Variants in ATG7 observed in about 807,000 individuals in gnomAD.
ATG7 encodes ubiquitin-like modifier-activating enzyme ATG7.
ATG7 carries 70 observed loss-of-function variants against 82.4 expected under a neutral mutation model. The observed-to-expected ratio is 0.85, with a 90% CI of 0.70 to 1.04. The LOEUF (loss-of-function observed/expected upper bound fraction) is 1.04. Ranked by LOEUF, ATG7 falls within the 50% of genes least tolerant of loss-of-function variation. The probability of loss-of-function intolerance (pLI) is 0.00; values close to 1 mark genes in which losing one functional copy is unlikely to be tolerated. For missense variants in ATG7, 792 were observed against 864.3 expected, an observed-to-expected ratio of 0.92 and a Z score of 1.05; for synonymous variants, 287 against 313.0, an observed-to-expected ratio of 0.92 and a Z score of 0.88.
intron 12 of ATG7, among the ~76,000 whole-genome samples, chr3:11,341,345 C>T (rs1953581108): frequency 6.6e-6 from 1 of 152,142 alleles, no homozygotes. Flanking sequence ...CAGGCATGAG[C>T]CACCACACCC....
intron 20 of ATG7, among the ~76,000 whole-genome samples, chr3:11,464,513 TTC>T (rs2086644195): frequency 6.6e-6 from 1 of 152,214 alleles, no homozygotes; most frequent in African/African-American, 2.4e-5. Context: ...GGCAGCCTGG[TTC>T]CTAGGACACC....
At chr3:11,448,782 G>A (rs1576481052) in intron 20 of ATG7, among the ~76,000 whole-genome samples, 1 of 152,294 alleles carries the variant, frequency 6.6e-6, no homozygotes, top group East Asian at 1.9e-4. Context: ...GGGCAGTGGG[G>A]TGGGTAAGGG....
chr3:11,558,738 C>T (rs147755206), downstream of ATG7: 102 of 1,614,094 alleles, frequency 6.3e-5, 1 homozygote, highest in South Asian at 6.3e-4. Context: ...GTGATGGACA[C>T]GGAGTTGGGT....
At chr3:11,398,542 A>G (rs1576080662) in intron 19 of ATG7, among the ~76,000 whole-genome samples, 2 of 152,324 alleles carry the variant, frequency 1.3e-5, no homozygotes, top group East Asian at 3.9e-4. Context: ...AATTATACCA[A>G]AATTTGTAGG....
chr3:11,275,205 G>A (rs536946810), intron 1 of ATG7, among the ~76,000 whole-genome samples: 1 of 152,256 alleles, frequency 6.6e-6, no homozygotes, highest in Admixed American at 6.5e-5. Flanking sequence ...TTGCTGTGTG[G>A]AATTGAGCAG....
chr3:11,298,580 T>A, intron 3 of ATG7, 106 bp from the exon 4 acceptor site: 1 of 1,111,238 alleles, frequency 9.0e-7, no homozygotes, highest in Non-Finnish European at 1.3e-6. Context: ...TGTAAACATC[T>A]CATTACTTTT....
rs1386943052 is a variant in ATG7, at chr3:11,422,769, T to TTTTG, written c.1957-4035_1957-4034insTTTG. Among the ~76,000 whole-genome samples, 37 of 102,698 alleles carry TTTTG rather than the reference T, an allele frequency of 3.6e-4. 4 individuals are homozygous for TTTTG. The highest frequency in any genetic ancestry group is 1.4e-3 in the African/African-American group (36 of 25,272). The allele number at this position is 102,698 out of a possible 152,430, so 67.4% of individuals were successfully genotyped here. On this transcript the variant is annotated intron_variant, in intron 19 of 20. Coordinates refer to ENST00000693202, the MANE Select transcript of ATG7 (RefSeq NM_001349232.2). ...TTTTTTTTTTTTTTTTTTTTTTTTT[T>TTTTG]GGAGACAGAGTCTCACTCCGTTGCC...
At chr3:11,571,403 G>T in the ATG7 span, among the ~76,000 whole-genome samples, 1 of 152,180 alleles carries the variant, frequency 6.6e-6, no homozygotes, top group Non-Finnish European at 1.5e-5. Flanking sequence ...CCATAAAGGG[G>T]CCAGGTGCAG....
chr3:11,321,447 C>T (rs1443879641), intron 9 of ATG7, among the ~76,000 whole-genome samples: 1 of 152,128 alleles, frequency 6.6e-6, no homozygotes, highest in African/African-American at 2.4e-5. Context: ...GCTGGTCACT[C>T]ATACATGTTA....
At chr3:11,493,731 T>C (rs1313013844) in intron 20 of ATG7, among the ~76,000 whole-genome samples, 1 of 152,116 alleles carries the variant, frequency 6.6e-6, no homozygotes, top group Non-Finnish European at 1.5e-5. Flanking sequence ...AAAGTTTCCG[T>C]GATACAGCCT....
At chr3:11,545,457 G>A (rs577651586) in intron 20 of ATG7, among the ~76,000 whole-genome samples, 15 of 152,270 alleles carry the variant, frequency 9.9e-5, no homozygotes, top group African/African-American at 2.4e-4. Flanking sequence ...TCCCATCCTC[G>A]GCTCCCGGCT....
intron 18 of ATG7, among the ~76,000 whole-genome samples, chr3:11,376,761 C>T (rs556888583): frequency 6.6e-5 from 10 of 152,210 alleles, no homozygotes; most frequent in Admixed American, 3.3e-4. Flanking sequence ...TTTTTTGAGA[C>T]GGAGTCTTGC....
chr3:11,498,272 C>T (rs2091017640), intron 20 of ATG7, among the ~76,000 whole-genome samples: 1 of 152,158 alleles, frequency 6.6e-6, no homozygotes, highest in Non-Finnish European at 1.5e-5. Flanking sequence ...AATTCCAAAA[C>T]AGCAATCTTC....
chr3:11,542,317 A>G (rs1233844019), intron 20 of ATG7, among the ~76,000 whole-genome samples: 1 of 152,244 alleles, frequency 6.6e-6, no homozygotes, highest in Non-Finnish European at 1.5e-5. Flanking sequence ...TGCCAAATAT[A>G]GCGGGACCCT....
In ATG7 at chr3:11,320,454, A is replaced by AT. The variant is rs543709514; in HGVS notation, c.678+4968dup. ...AGGCATACGCCACCACACCTGGCTAATTTTTTTATCTTTAGTAGAGATGGG... is the reference window on the plus strand; with the variant it reads ...AGGCATACGCCACCACACCTGGCTAATTTTTTTTATCTTTAGTAGAGATGGG... On this transcript the variant is annotated intron_variant, in intron 9 of 20. Transcript: ENST00000693202. 2.6e-3 allele frequency among the ~76,000 whole-genome samples: 400 copies of AT among 151,998 alleles called. 3 individuals are homozygous for AT. Among genetic ancestry groups the AT allele is most frequent in the African/African-American group, 8.8e-3 (363 of 41,476 alleles).
intron 20 of ATG7, among the ~76,000 whole-genome samples, chr3:11,509,954 G>A (rs2091961220): frequency 6.6e-6 from 1 of 152,092 alleles, no homozygotes; most frequent in Admixed American, 6.6e-5. Flanking sequence ...ACTAGGATTT[G>A]CCAATGGCTA....
At chr3:11,450,210 A>G (rs1430947149) in intron 20 of ATG7, among the ~76,000 whole-genome samples, 1 of 152,170 alleles carries the variant, frequency 6.6e-6, no homozygotes, top group East Asian at 1.9e-4. Context: ...GTTCAAGGTC[A>G]TGGAGCCAGT....
At chr3:11,311,555 T>C (rs1160156385) in intron 7 of ATG7, among the ~76,000 whole-genome samples, 1 of 150,172 alleles carries the variant, frequency 6.7e-6, no homozygotes, top group African/African-American at 2.5e-5. Context: ...TGAGCTGAGA[T>C]CGTCGTGCCG....
the ATG7 span, among the ~76,000 whole-genome samples, chr3:11,572,204 C>T: frequency 6.6e-6 from 1 of 152,180 alleles, no homozygotes; most frequent in Non-Finnish European, 1.5e-5. Flanking sequence ...CAATCATATG[C>T]TAGACCTCAT....
Sources: gnomAD v4.1 joint callset for allele counts (sites outside exome capture counted in the v4.1 genomes callset) on GRCh38, gnomAD v4.1.1 for gene constraint, MANE v1.5 for transcripts, NCBI Gene and HGNC (gene_info 2026-07-23, HGNC 2026-07-21) for gene names.